The following CNTNAP2 variants were observed in gnomAD, a reference collection of about 807,000 sequenced individuals.
CNTNAP2 encodes contactin-associated protein-like 2.
In CNTNAP2, 98 loss-of-function variants were observed where a neutral mutation model predicts 155.2. That is an observed-to-expected ratio of 0.63 (90% CI 0.54 to 0.75). The LOEUF is 0.75. CNTNAP2 is among the 30% of genes least tolerant of loss of function. CNTNAP2 has a pLI of 0.00. For missense variants in CNTNAP2, 1,727 were observed against 1,688.1 expected (o/e 1.02, Z -0.40); for synonymous variants, 651 against 631.2 (o/e 1.03, Z -0.47).
chr7:147,549,324 G>T (rs530951272), intron 11 of CNTNAP2, among the ~76,000 whole-genome samples: 1 of 152,230 alleles, frequency 6.6e-6, no homozygotes, highest in African/African-American at 2.4e-5. Context: ...CACGTCCCTT[G>T]TAAGTTGTAT....
At chr7:146,968,074 T>G (rs1158539402) in intron 3 of CNTNAP2, among the ~76,000 whole-genome samples, 97 of 147,086 alleles carry the variant, frequency 6.6e-4, no homozygotes, top group Middle Eastern at 3.5e-3. Context: ...TAATCATGTG[T>G]TTTTTGTCTT....
chr7:147,607,123 C>T (rs1383903916), intron 12 of CNTNAP2, among the ~76,000 whole-genome samples: 1 of 152,132 alleles, frequency 6.6e-6, no homozygotes, highest in Non-Finnish European at 1.5e-5. Flanking sequence ...GCTAAGGCTC[C>T]TCACAATGGG....
intron 18 of CNTNAP2, among the ~76,000 whole-genome samples, chr7:148,182,352 G>T (rs916212025): frequency 5.5e-5 from 3 of 54,214 alleles, no homozygotes; most frequent in African/African-American, 1.2e-4. Flanking sequence ...CACATGTTTG[G>T]CTGCCCTGCA....
intron 12 of CNTNAP2, among the ~76,000 whole-genome samples, chr7:147,612,000 T>A (rs1801196705): frequency 6.6e-6 from 1 of 152,232 alleles, no homozygotes; most frequent in South Asian, 2.1e-4. Context: ...CAAAACTATC[T>A]ATAAATATAT....
intron 12 of CNTNAP2, among the ~76,000 whole-genome samples, chr7:147,598,907 T>C (rs938269267): frequency 6.6e-6 from 1 of 152,110 alleles, no homozygotes; most frequent in African/African-American, 2.4e-5. Context: ...GAGAAGGACA[T>C]GTTTGCTTCC....
At chr7:147,696,200 T>G (rs1393711640) in intron 13 of CNTNAP2, among the ~76,000 whole-genome samples, 1 of 152,204 alleles carries the variant, frequency 6.6e-6, no homozygotes, top group Non-Finnish European at 1.5e-5. Flanking sequence ...GTAGTTCAAT[T>G]AATATCTATA....
At chr7:147,419,910 T>C (rs1797260569) in intron 10 of CNTNAP2, among the ~76,000 whole-genome samples, 1 of 152,168 alleles carries the variant, frequency 6.6e-6, no homozygotes. Flanking sequence ...CTTGAGTCTT[T>C]GCTATGCCAC....
chr7:147,353,934 G>A (rs1056540057), intron 9 of CNTNAP2, among the ~76,000 whole-genome samples: 2 of 151,550 alleles, frequency 1.3e-5, no homozygotes, highest in African/African-American at 4.8e-5. Flanking sequence ...TCGCAAAAAT[G>A]TCTTCCTTTG....
At chr7:146,927,224 T>C (rs979559061) in intron 3 of CNTNAP2, among the ~76,000 whole-genome samples, 1 of 152,188 alleles carries the variant, frequency 6.6e-6, no homozygotes, top group Non-Finnish European at 1.5e-5. Flanking sequence ...TGATGAGTTA[T>C]AACCTTGAAA....
At chr7:147,727,035 A>C (rs1796655638) in intron 13 of CNTNAP2, among the ~76,000 whole-genome samples, 1 of 151,638 alleles carries the variant, frequency 6.6e-6, no homozygotes, top group Non-Finnish European at 1.5e-5. Flanking sequence ...GTATATATAT[A>C]TATATGTCCA....
At chr7:147,231,603 C>T (rs1014950591) in intron 8 of CNTNAP2, among the ~76,000 whole-genome samples, 2 of 152,138 alleles carry the variant, frequency 1.3e-5, no homozygotes, top group Non-Finnish European at 2.9e-5. Flanking sequence ...TTTATTATCA[C>T]GTGTCTTTTT....
chr7:146,296,958 C>CTGTGTG (rs141424842), intron 1 of CNTNAP2, among the ~76,000 whole-genome samples: 4 of 149,384 alleles, frequency 2.7e-5, no homozygotes, highest in African/African-American at 9.7e-5. Flanking sequence ...CAGGTATTAT[C>CTGTGTG]TGTGTGTGTG....
At chr7:147,464,885 C>A (rs893535750) in intron 10 of CNTNAP2, among the ~76,000 whole-genome samples, 1 of 152,176 alleles carries the variant, frequency 6.6e-6, no homozygotes, top group Non-Finnish European at 1.5e-5. Flanking sequence ...TGTAAACAAT[C>A]TTCATGGCCA....
chr7:146,594,908 G>T (rs1798836409), intron 1 of CNTNAP2, among the ~76,000 whole-genome samples: 1 of 152,022 alleles, frequency 6.6e-6, no homozygotes, highest in Non-Finnish European at 1.5e-5. Flanking sequence ...TTACCAACAT[G>T]ACAACGCTGA....
At chr7:147,857,013 C>A (rs80019093) in intron 13 of CNTNAP2, among the ~76,000 whole-genome samples, 1 of 152,074 alleles carries the variant, frequency 6.6e-6, no homozygotes, top group Non-Finnish European at 1.5e-5. Context: ...GAGACAGAGG[C>A]TGGGACAAAG....
chr7:146,917,953 A>T (rs548300454), intron 3 of CNTNAP2, among the ~76,000 whole-genome samples: 1 of 152,300 alleles, frequency 6.6e-6, no homozygotes, highest in East Asian at 1.9e-4. Flanking sequence ...CGTCTTTTTT[A>T]ACTGCTGTTG....
chr7:147,500,514 C>G (rs540544775), intron 11 of CNTNAP2, among the ~76,000 whole-genome samples: 1 of 152,270 alleles, frequency 6.6e-6, no homozygotes, highest in East Asian at 1.9e-4. Context: ...ATGCCACCGA[C>G]CAGGTGCTTT....
intron 1 of CNTNAP2, among the ~76,000 whole-genome samples, chr7:146,731,717 T>C (rs1801528901): frequency 6.6e-6 from 1 of 152,204 alleles, no homozygotes; most frequent in African/African-American, 2.4e-5. Flanking sequence ...GTTTTTAACG[T>C]ATAAAATTAT....
intron 13 of CNTNAP2, among the ~76,000 whole-genome samples, chr7:147,792,103 T>C (rs565939146): frequency 2.8e-4 from 42 of 152,356 alleles, no homozygotes; most frequent in Non-Finnish European, 5.3e-4. Context: ...CCCCTTCACC[T>C]GCAGCCTTGC....
Sources: gnomAD v4.1 joint callset for allele counts (sites outside exome capture counted in the v4.1 genomes callset) on GRCh38, gnomAD v4.1.1 for gene constraint, MANE v1.5 for transcripts, NCBI Gene and HGNC (gene_info 2026-07-23, HGNC 2026-07-21) for gene names.